TCF7L1: variants seen among roughly 807,000 people sequenced by gnomAD.
The protein encoded by TCF7L1 is transcription factor 7 like 1.
A neutral mutation model predicts 63.7 loss-of-function variants in TCF7L1; 18 were observed. That is an observed-to-expected ratio of 0.28 (90% CI 0.20 to 0.42). The LOEUF (loss-of-function observed/expected upper bound fraction) is 0.42, where lower values mean the gene tolerates loss of function less well. Ranked by LOEUF, TCF7L1 falls within the 10% of genes least tolerant of loss-of-function variation. The probability of loss-of-function intolerance (pLI) is 1.00; values close to 1 mark genes in which losing one functional copy is unlikely to be tolerated. For synonymous variants in TCF7L1, 355 were observed against 340.9 expected, an observed-to-expected ratio of 1.04 and a Z score of -0.46; for missense variants, 654 against 779.3, an observed-to-expected ratio of 0.84 and a Z score of 1.91.
intron 3 of TCF7L1, among the ~76,000 whole-genome samples, chr2:85,201,071 G>T (rs2104277595): frequency 6.6e-6 from 1 of 152,248 alleles, no homozygotes; most frequent in South Asian, 2.1e-4. Context: ...GTGCAGTGGT[G>T]TGCGCCTGTA....
intron 3 of TCF7L1, among the ~76,000 whole-genome samples, chr2:85,240,683 G>A (rs1680300621): frequency 6.6e-6 from 1 of 151,758 alleles, no homozygotes; most frequent in South Asian, 2.1e-4. Flanking sequence ...CTCTGAGGCA[G>A]GAGAATCGCT....
chr2:85,198,591 T>C (rs546540262), intron 3 of TCF7L1, among the ~76,000 whole-genome samples: 2 of 152,314 alleles, frequency 1.3e-5, no homozygotes, highest in East Asian at 3.9e-4. Flanking sequence ...CCAGAATGAA[T>C]GGGGAGCCTA....
chr2:85,174,075 A>T (rs796288979), intron 3 of TCF7L1, among the ~76,000 whole-genome samples: 33 of 152,244 alleles, frequency 2.2e-4, no homozygotes, highest in African/African-American at 7.9e-4. Context: ...GCAGTTTTCA[A>T]TATATTCACA....
At chr2:85,285,727 TC>T (rs1681530734) in intron 4 of TCF7L1, among the ~76,000 whole-genome samples, 1 of 152,066 alleles carries the variant, frequency 6.6e-6, no homozygotes, top group Non-Finnish European at 1.5e-5. Flanking sequence ...GCCCTGCACC[TC>T]CCCCCAGTGC....
chr2:85,260,423 G>A (rs1445513961), intron 3 of TCF7L1, among the ~76,000 whole-genome samples: 8 of 151,968 alleles, frequency 5.3e-5, no homozygotes. Context: ...GATTGCTTGA[G>A]CCCAGGAGTT....
intron 10 of TCF7L1, among the ~76,000 whole-genome samples, chr2:85,307,279 G>A (rs1682138039): frequency 1.3e-5 from 2 of 152,140 alleles, no homozygotes; most frequent in Non-Finnish European, 2.9e-5. Flanking sequence ...TTTTTTTCTG[G>A]TAAGAGGACC....
At chr2:85,233,316 ATTTTTTTTTT>A (rs11345481) in intron 3 of TCF7L1, among the ~76,000 whole-genome samples, 2 of 134,536 alleles carry the variant, frequency 1.5e-5, no homozygotes, top group Non-Finnish European at 3.2e-5. Flanking sequence ...AAATTCAGAG[ATTTTTTTTTT>A]TTTTTTTTTA....
rs529883852 is a variant in TCF7L1 at position 85,289,962 on chromosome 2, C to G, written c.525+6384C>G. On this transcript the variant is annotated intron_variant, in intron 4 of 11. Coordinates refer to ENST00000282111, the MANE Select transcript of TCF7L1 (RefSeq NM_031283.3). ...GTGCTGGGATTACAGGCACGAGCCACCACGCCTAGCCCAGTTTTTTTTTTT... is the reference window on the plus strand; with the variant it reads ...GTGCTGGGATTACAGGCACGAGCCAGCACGCCTAGCCCAGTTTTTTTTTTT... Among the ~76,000 whole-genome samples the G allele has an allele frequency of 2.8e-5, 4 of 142,190 alleles. No individual in the cohort carries two copies. The East Asian group carries it at 8.6e-4, about 31-fold the overall frequency. The allele number at this position is 142,190 out of a possible 152,430, so 93.3% of individuals were successfully genotyped here.
chr2:85,173,327 G>A (rs1039346941), intron 3 of TCF7L1, among the ~76,000 whole-genome samples: 6 of 152,076 alleles, frequency 3.9e-5, no homozygotes, highest in African/African-American at 7.2e-5. Flanking sequence ...GGGTACGGAG[G>A]GGGTGGGGGG....
chr2:85,190,207 T>C (rs960842756), intron 3 of TCF7L1, among the ~76,000 whole-genome samples: 2 of 152,232 alleles, frequency 1.3e-5, no homozygotes, highest in East Asian at 1.9e-4. Context: ...TGATGTACTT[T>C]ACTGTCCTTT....
chr2:85,225,187 G>A (rs186405931), intron 3 of TCF7L1, among the ~76,000 whole-genome samples: 2 of 152,282 alleles, frequency 1.3e-5, no homozygotes, highest in East Asian at 1.9e-4. Context: ...CTGTAGCCTT[G>A]TAGTATATTT....
intron 3 of TCF7L1, among the ~76,000 whole-genome samples, chr2:85,137,019 C>T (rs930460147): frequency 7.2e-5 from 11 of 152,138 alleles, no homozygotes; most frequent in African/African-American, 2.4e-4. Context: ...ATGATCCGAT[C>T]TCTCTGACAT....
At chr2:85,298,955 C>T (rs1292822993) in intron 4 of TCF7L1, among the ~76,000 whole-genome samples, 1 of 151,986 alleles carries the variant, frequency 6.6e-6, no homozygotes, top group Non-Finnish European at 1.5e-5. Flanking sequence ...GACAATGATG[C>T]CACCTAGTGG....
At chr2:85,139,447 A>C (rs1320885317) in intron 3 of TCF7L1, among the ~76,000 whole-genome samples, 1 of 152,256 alleles carries the variant, frequency 6.6e-6, no homozygotes, top group South Asian at 2.1e-4. Flanking sequence ...TTTAAAAATT[A>C]AGTAGGAAAG....
intron 3 of TCF7L1, among the ~76,000 whole-genome samples, chr2:85,207,417 C>T (rs4832148): frequency 0.83 from 126,833 of 152,026 alleles, 53,104 homozygotes; most frequent in African/African-American, 0.9. Context: ...CCTCCTTTTT[C>T]CTTTCTCACA....
intron 3 of TCF7L1, among the ~76,000 whole-genome samples, chr2:85,174,165 C>T (rs1678623282): frequency 6.6e-6 from 1 of 152,088 alleles, no homozygotes; most frequent in African/African-American, 2.4e-5. Context: ...CTCCTCTCCC[C>T]CAACCTTTGG....
At position 85,307,844 on chromosome 2, in the gene TCF7L1, C is replaced by T. The variant is rs925902121; in HGVS notation, c.1333+127C>T. 6.2e-6 allele frequency: 5 copies of T among 800,042 alleles called. No individual in the cohort carries two copies. In the African/African-American group the frequency reaches 8.7e-5, roughly 14 times the overall value. 49.6% of individuals were successfully genotyped at this position (800,042 alleles called of 1,614,324 possible). A position where few individuals can be genotyped will look rare whatever the true frequency, so the allele number is the denominator to read the frequency against. ...CGGTATTCGCGGGCGGGTATTATTA[C>T]CCCTTTCTCGAGGTGGCCACTTAAG... On this transcript the variant is annotated intron_variant, in intron 11 of 11. Transcript: ENST00000282111.
chr2:85,177,309 A>C (rs553464680), intron 3 of TCF7L1, among the ~76,000 whole-genome samples: 5 of 152,336 alleles, frequency 3.3e-5, no homozygotes, highest in African/African-American at 1.2e-4. Flanking sequence ...ATTGGATTTC[A>C]ACACAGGAAT....
At chr2:85,212,627 C>A (rs1240324535) in intron 3 of TCF7L1, among the ~76,000 whole-genome samples, 1 of 152,094 alleles carries the variant, frequency 6.6e-6, no homozygotes, top group East Asian at 1.9e-4. Context: ...AGAGTAAAAG[C>A]GCAGAGGTGG....
Sources: allele counts gnomAD v4.1 joint callset (sites outside exome capture counted in the v4.1 genomes callset), GRCh38; gene constraint gnomAD v4.1.1; transcripts MANE v1.5; gene names NCBI Gene and HGNC (gene_info 2026-07-23, HGNC 2026-07-21).